Variants in GPM6B observed in about 807,000 individuals in gnomAD.
GPM6B encodes the protein neuronal membrane glycoprotein M6-b.
In GPM6B, 4 loss-of-function variants were observed where a neutral mutation model predicts 27.2. The observed-to-expected ratio is 0.15, with a 90% CI of 0.07 to 0.34. The LOEUF (loss-of-function observed/expected upper bound fraction) is 0.34. GPM6B is among the 10% of genes least tolerant of loss of function. The pLI is 1.00. For missense variants in GPM6B, 183 were observed against 261.9 expected, an observed-to-expected ratio of 0.70 and a Z score of 2.08; for synonymous variants, 124 against 103.1, an observed-to-expected ratio of 1.20 and a Z score of -1.23.
At chrX:13,921,576 C>A (rs952284930) in intron 1 of GPM6B, among the ~76,000 whole-genome samples, 1 of 59,770 alleles carries the variant, frequency 1.7e-5, no homozygotes, top group Non-Finnish European at 3.5e-5. Flanking sequence ...TTTATAACCC[C>A]CCCCCTTTTT....
intron 1 of GPM6B, among the ~76,000 whole-genome samples, chrX:13,822,510 CGTGG>C (rs2049321904): frequency 4.6e-5 from 5 of 109,798 alleles, no homozygotes; most frequent in Admixed American, 2.9e-4. Context: ...GGACTACAGG[CGTGG>C]GGCCACCACG....
chrX:13,836,976 A>T lies in GPM6B; in HGVS notation c.-197-51168T>A, dbSNP rs183293449. ...GAGCAAGAAGGAAAACATGTTTTTC[A>T]TATTGTTGAACACAGGAGTAAGCAT... On this transcript the variant is annotated intron_variant, in intron 1 of 6. Transcript: ENST00000398361. Among the ~76,000 whole-genome samples the T allele has an allele frequency of 2.2e-4, 25 of 112,749 alleles. No homozygotes were observed. The Admixed American group carries it at 2.2e-3, about 10-fold the overall frequency.
intron 1 of GPM6B, among the ~76,000 whole-genome samples, chrX:13,885,834 G>A (rs913732214): frequency 8.9e-6 from 1 of 111,802 alleles, no homozygotes; most frequent in Non-Finnish European, 1.9e-5. Flanking sequence ...CAAAGGGTGC[G>A]TGCCAGGGAA....
At chrX:13,790,077 C>T (rs977891327) in intron 2 of GPM6B, among the ~76,000 whole-genome samples, 2 of 111,860 alleles carry the variant, frequency 1.8e-5, no homozygotes, top group Non-Finnish European at 3.8e-5. Context: ...TGTTCTCAAA[C>T]TCTTGGGCTC....
chrX:13,814,729 T>C (rs1468814627), intron 1 of GPM6B, among the ~76,000 whole-genome samples: 1 of 111,606 alleles, frequency 9.0e-6, no homozygotes, highest in East Asian at 2.8e-4. Context: ...TATGAACTTG[T>C]TCATCTAAAT....
At chrX:13,835,988 C>T (rs965000472) in intron 1 of GPM6B, among the ~76,000 whole-genome samples, 3 of 112,161 alleles carry the variant, frequency 2.7e-5, no homozygotes, top group Non-Finnish European at 5.6e-5. Flanking sequence ...ACAGCTTAGC[C>T]GCATGCCAAA....
intron 1 of GPM6B, among the ~76,000 whole-genome samples, chrX:13,811,983 T>G (rs1285227324): frequency 9.1e-6 from 1 of 109,611 alleles, no homozygotes; most frequent in East Asian, 2.8e-4. Context: ...CCTGTACTCC[T>G]GTAACGTGAG....
At chrX:13,803,163 G>A (rs1569214982) in intron 2 of GPM6B, among the ~76,000 whole-genome samples, 1 of 111,515 alleles carries the variant, frequency 9.0e-6, no homozygotes, top group Non-Finnish European at 1.9e-5. Context: ...ATCAGTGAGA[G>A]AGAAGTCCCA....
At position 13,888,201 on chromosome X, in the gene GPM6B, TTA is replaced by T. The variant is rs760365002; in HGVS notation, c.-198+50124_-198+50125del. On this transcript the variant is annotated intron_variant, in intron 1 of 6. Transcript: ENST00000398361. ...GAACATTTCTTTATGCAGCCAGGGCTTATTATAAAGCCCACTTTCTTGCAGAA... is the reference window on the plus strand; with the variant it reads ...GAACATTTCTTTATGCAGCCAGGGCTTTATAAAGCCCACTTTCTTGCAGAA... 8.0e-5 allele frequency among the ~76,000 whole-genome samples: 9 copies of T among 112,522 alleles called. No individual in the cohort carries two copies. The South Asian group carries it at 3.3e-3, about 42-fold the overall frequency.
At chrX:13,781,164 G>A (rs2048508798) in intron 4 of GPM6B, among the ~76,000 whole-genome samples, 1 of 111,442 alleles carries the variant, frequency 9.0e-6, no homozygotes, top group Non-Finnish European at 1.9e-5. Flanking sequence ...CCTTCTGTCA[G>A]AGGCCAGGAC....
intron 1 of GPM6B, among the ~76,000 whole-genome samples, chrX:13,808,587 G>A (rs1012402136): frequency 2.7e-5 from 3 of 111,756 alleles, no homozygotes; most frequent in East Asian, 5.6e-4. Context: ...GAGATCATAA[G>A]GTCGCTATGG....
At chrX:13,927,110 C>T (rs1007400349) in intron 1 of GPM6B, among the ~76,000 whole-genome samples, 45 of 110,328 alleles carry the variant, frequency 4.1e-4, no homozygotes, top group African/African-American at 1.4e-3. Flanking sequence ...GAAGAGAAAA[C>T]CCAAATGACC....
At chrX:13,849,166 AT>A (rs2147238946) in intron 1 of GPM6B, among the ~76,000 whole-genome samples, 1 of 112,795 alleles carries the variant, frequency 8.9e-6, no homozygotes, top group African/African-American at 3.2e-5. Flanking sequence ...GTTTAAAAAA[AT>A]AAATGTGGAA....
intron 1 of GPM6B, among the ~76,000 whole-genome samples, chrX:13,892,146 G>T (rs1287974725): frequency 8.9e-6 from 1 of 111,796 alleles, no homozygotes; most frequent in African/African-American, 3.3e-5. Flanking sequence ...TTGGTGCTAT[G>T]ACAGAATTTC....
intron 1 of GPM6B, among the ~76,000 whole-genome samples, chrX:13,813,431 C>CCCA (rs765075878): frequency 9.0e-6 from 1 of 111,508 alleles, no homozygotes; most frequent in South Asian, 3.7e-4. Flanking sequence ...CTATATTTTT[C>CCCA]TTCCTGTGTG....
intron 1 of GPM6B, among the ~76,000 whole-genome samples, chrX:13,895,949 G>T (rs752818237): frequency 9.4e-6 from 1 of 105,862 alleles, no homozygotes; most frequent in East Asian, 3.0e-4. Context: ...TTCAAAACCA[G>T]CCTGGGCAAC....
At chrX:13,828,693 C>T (rs767155508) in intron 1 of GPM6B, among the ~76,000 whole-genome samples, 4 of 111,435 alleles carry the variant, frequency 3.6e-5, no homozygotes, top group Middle Eastern at 4.6e-3. Flanking sequence ...CTGGGCTCAA[C>T]GCTGTGTCCA....
intron 2 of GPM6B, among the ~76,000 whole-genome samples, chrX:13,799,120 A>G (rs2048869238): frequency 9.1e-6 from 1 of 110,165 alleles, no homozygotes; most frequent in Non-Finnish European, 1.9e-5. Context: ...TTCTTATTCA[A>G]GAAAATCATC....
chrX:13,861,671 G>C (rs750451845), intron 1 of GPM6B, among the ~76,000 whole-genome samples: 1 of 111,778 alleles, frequency 8.9e-6, no homozygotes, highest in East Asian at 2.8e-4. Context: ...AACTTAATCA[G>C]ATAAGAAAAA....
Sources: allele counts gnomAD v4.1 joint callset (sites outside exome capture counted in the v4.1 genomes callset), GRCh38; gene constraint gnomAD v4.1.1; transcripts MANE v1.5; gene names NCBI Gene and HGNC (gene_info 2026-07-23, HGNC 2026-07-21).